Variants in ESR1 observed in about 807,000 individuals in gnomAD.
The protein encoded by ESR1 is estrogen receptor.
Under a neutral mutation model 52.7 loss-of-function variants are expected in ESR1, and 12 were observed. The ratio of observed to expected loss-of-function variants is 0.23; its 90% CI spans 0.15 to 0.37. ESR1 has a LOEUF of 0.37. Ranked by LOEUF, ESR1 falls within the 10% of genes least tolerant of loss-of-function variation. The pLI, the probability that ESR1 is intolerant of heterozygous loss-of-function variation, is 1.00. For missense variants in ESR1, 584 were observed against 779.7 expected (o/e 0.75, Z 2.99); for synonymous variants, 305 against 316.8 (o/e 0.96, Z 0.39).
intron 4 of ESR1, among the ~76,000 whole-genome samples, chr6:151,985,700 C>T (rs778083496): frequency 8.5e-5 from 13 of 152,122 alleles, no homozygotes; most frequent in Admixed American, 1.3e-4. Context: ...CAGTGTCTCA[C>T]GCTGTCCCCC....
intron 2 of ESR1, among the ~76,000 whole-genome samples, chr6:151,745,328 G>A (rs935171113): frequency 6.6e-6 from 1 of 152,072 alleles, no homozygotes; most frequent in African/African-American, 2.4e-5. Flanking sequence ...TGCATGGTAT[G>A]GCTTTGGTTG....
intron 6 of ESR1, among the ~76,000 whole-genome samples, chr6:152,068,395 G>A (rs1430002861): frequency 6.6e-6 from 1 of 152,170 alleles, no homozygotes; most frequent in Non-Finnish European, 1.5e-5. Context: ...AGATTGGTGA[G>A]TCTTAAGACT....
At chr6:151,762,294 A>G (rs1282516276) in intron 2 of ESR1, among the ~76,000 whole-genome samples, 1 of 152,244 alleles carries the variant, frequency 6.6e-6, no homozygotes, top group Non-Finnish European at 1.5e-5. Context: ...TGTTTTTAGA[A>G]CATCCATTGG....
chr6:152,084,316 A>G (rs2049503926), intron 6 of ESR1, among the ~76,000 whole-genome samples: 1 of 152,110 alleles, frequency 6.6e-6, no homozygotes, highest in South Asian at 2.1e-4. Flanking sequence ...AGAAATACCT[A>G]ATGTAAATGA....
At chr6:151,683,056 G>A (rs1192426491) in intron 1 of ESR1, among the ~76,000 whole-genome samples, 1 of 152,186 alleles carries the variant, frequency 6.6e-6, no homozygotes, top group East Asian at 1.9e-4. Flanking sequence ...TGATCCAAAT[G>A]CCTGCTCTTT....
At chr6:151,680,055 C>T (rs852001) in intron 1 of ESR1, among the ~76,000 whole-genome samples, 43,221 of 152,010 alleles carry the variant, frequency 0.28, 6,853 homozygotes, top group East Asian at 0.41. Flanking sequence ...GCTGCTTCAA[C>T]AGATACCATA....
intron 5 of ESR1, among the ~76,000 whole-genome samples, chr6:152,052,747 C>A (rs7757472): frequency 0.22 from 33,168 of 151,968 alleles, 5,230 homozygotes; most frequent in African/African-American, 0.43. Flanking sequence ...AGAAGGACAC[C>A]TCCAAAGGCA....
chr6:151,731,468 TGGGCAGCTGCTTGTCCC>T (rs1782238496), intron 2 of ESR1, among the ~76,000 whole-genome samples: 1 of 152,034 alleles, frequency 6.6e-6, no homozygotes, highest in Non-Finnish European at 1.5e-5. Flanking sequence ...AATGTGGACA[TGGGCAGCTGCTTGTCCC>T]ATGGATGCCA....
chr6:152,011,461 A>T (rs1407075237), intron 4 of ESR1, among the ~76,000 whole-genome samples, 195 bp from the exon 5 acceptor site: 2 of 152,168 alleles, frequency 1.3e-5, no homozygotes, highest in African/African-American at 2.4e-5. Flanking sequence ...AAGAAACTTA[A>T]TGCCACATTG....
chr6:152,126,021 G>A lies in ESR1; in HGVS notation c.*673G>A, dbSNP rs1440741493. On this transcript the variant is annotated 3_prime_UTR_variant, in exon 7 of 7. Coordinates refer to the ESR1 transcript ENST00000427531. ...AAAATGTCACCATTTACAGAATGTG[G>A]ACTCCTATGTTGGAGTCTGTTGAAG... 2.6e-5 allele frequency: 4 copies of A among 152,310 alleles called. 1 individual carries two copies. The allele number at this position is 152,310 out of a possible 1,614,324, so 9.4% of individuals were successfully genotyped here.
chr6:151,755,216 A>AC (rs1033762525), intron 2 of ESR1, among the ~76,000 whole-genome samples: 3 of 151,212 alleles, frequency 2.0e-5, no homozygotes, highest in African/African-American at 7.4e-5. Flanking sequence ...CCTCAAAAAA[A>AC]AAAAACAAAA....
chr6:151,964,321 A>G (rs944447986), intron 4 of ESR1, among the ~76,000 whole-genome samples: 3 of 151,812 alleles, frequency 2.0e-5, no homozygotes, highest in Non-Finnish European at 4.4e-5. Flanking sequence ...TACTTTTTTC[A>G]TTTATTTTTG....
At chr6:151,753,008 G>C (rs1784012490) in intron 2 of ESR1, among the ~76,000 whole-genome samples, 1 of 152,124 alleles carries the variant, frequency 6.6e-6, no homozygotes, top group African/African-American at 2.4e-5. Flanking sequence ...TGAACATGTA[G>C]TAACTTTTAT....
At chr6:152,125,359 C>T in exon 7 of ESR1, 1 of 1,549,548 alleles carries the variant, frequency 6.5e-7, no homozygotes. Context: ...AGCCTCTGGT[C>T]ATAAGGCCTC....
intron 4 of ESR1, among the ~76,000 whole-genome samples, chr6:151,994,234 A>G (rs563210328): frequency 1.2e-4 from 19 of 152,250 alleles, no homozygotes; most frequent in African/African-American, 4.6e-4. Flanking sequence ...TCTAGACCTC[A>G]GTTTCCTCAT....
Position 152,034,565 on chromosome 6 carries a change from T to C in ESR1, c.1235+22771T>C, listed in dbSNP as rs554212950. Among the ~76,000 whole-genome samples the C allele has an allele frequency of 9.5e-4, 144 of 152,306 alleles. 1 individual carries two copies. Among genetic ancestry groups the C allele is most frequent in the African/African-American group, 3.2e-3 (133 of 41,580 alleles). The stretch of plus-strand genomic sequence containing the variant: ...TTTAGAAATTCAGTTCTAAAGTGTT[T>C]AATTTCTCGTATTTTTTTTTCTGTT... On this transcript the variant is annotated intron_variant, in intron 5 of 7. Transcript: ENST00000206249.
chr6:151,842,589 C>T lies in ESR1; in HGVS notation c.453-8C>T, dbSNP rs889113690. ...ATGTTAATGGATTTACTGTTTTTTTCCCCCCAGGCCAAATTCAGATAATCG... is the reference window on the plus strand; with the variant it reads ...ATGTTAATGGATTTACTGTTTTTTTTCCCCCAGGCCAAATTCAGATAATCG... On this transcript the variant is annotated splice_polypyrimidine_tract_variant and splice_region_variant and intron_variant, in intron 1 of 7. Transcript: ENST00000206249. 17 of 1,610,356 alleles carry T rather than the reference C, an allele frequency of 1.1e-5. No homozygotes were observed. The highest frequency in any genetic ancestry group is 4.5e-5 in the East Asian group (2 of 44,738).
At chr6:151,881,868 G>A (rs1008710571) in intron 3 of ESR1, among the ~76,000 whole-genome samples, 8 of 149,560 alleles carry the variant, frequency 5.3e-5, no homozygotes, top group African/African-American at 2.0e-4. Context: ...GGGTGATAGA[G>A]TGAGACTCTG....
At chr6:152,072,589 G>C (rs1423636778) in intron 6 of ESR1, among the ~76,000 whole-genome samples, 1 of 152,098 alleles carries the variant, frequency 6.6e-6, no homozygotes, top group East Asian at 1.9e-4. Context: ...AGGAGATGTT[G>C]GTTCAGAAAG....
Sources: gnomAD v4.1 joint callset for allele counts (sites outside exome capture counted in the v4.1 genomes callset) on GRCh38, gnomAD v4.1.1 for gene constraint, MANE v1.5 for transcripts, NCBI Gene and HGNC (gene_info 2026-07-23, HGNC 2026-07-21) for gene names.